The following PBX1 variants were observed in gnomAD, a reference collection of about 807,000 sequenced individuals.
PBX1 encodes PBX homeobox 1.
PBX1 carries 6 observed loss-of-function variants against 53.4 expected under a neutral mutation model. The ratio of observed to expected loss-of-function variants is 0.11; its 90% CI spans 0.06 to 0.22. PBX1 has a LOEUF of 0.22. Ranked by LOEUF, PBX1 falls within the 10% of genes least tolerant of loss-of-function variation. The pLI, the probability that PBX1 is intolerant of heterozygous loss-of-function variation, is 1.00. For synonymous variants in PBX1, 204 were observed against 212.3 expected (o/e 0.96, Z 0.34); for missense variants, 251 against 551.4 (o/e 0.46, Z 5.46).
At chr1:164,608,897 T>A (rs1462145443) in intron 2 of PBX1, among the ~76,000 whole-genome samples, 1 of 152,162 alleles carries the variant, frequency 6.6e-6, no homozygotes, top group Non-Finnish European at 1.5e-5. Flanking sequence ...TTCATGATTC[T>A]TTCTCTGTGG....
At chr1:164,799,618 C>A in intron 3 of PBX1, 81 bp from the exon 4 acceptor site, 1 of 1,255,046 alleles carries the variant, frequency 8.0e-7, no homozygotes, top group Non-Finnish European at 1.1e-6. Context: ...CTAGAAAAGC[C>A]CACGTGGCCT....
intron 8 of PBX1, among the ~76,000 whole-genome samples, chr1:164,834,123 TG>T (rs1268717322): frequency 6.6e-6 from 1 of 151,466 alleles, no homozygotes; most frequent in Admixed American, 6.6e-5. Context: ...TACTTTTCTT[TG>T]GGGCAGCTGT....
chr1:164,603,929 ATTTTTTTTTTTTTTTTTTTT>A (rs71583414), intron 2 of PBX1, among the ~76,000 whole-genome samples: 1 of 75,742 alleles, frequency 1.3e-5, no homozygotes, highest in Non-Finnish European at 2.3e-5. Context: ...ATGTCATTTC[ATTTTTTTTTTTTTTTTTTTT>A]TTTTTTTTTT....
intron 8 of PBX1, among the ~76,000 whole-genome samples, chr1:164,841,430 T>C (rs79394098): frequency 0.068 from 10,278 of 152,126 alleles, 513 homozygotes; most frequent in East Asian, 0.25. Context: ...GGCCAATGGG[T>C]AGCCATTGAA....
chr1:164,627,377 G>A (rs1425085266), intron 2 of PBX1, among the ~76,000 whole-genome samples: 2 of 152,088 alleles, frequency 1.3e-5, no homozygotes, highest in African/African-American at 2.4e-5. Context: ...TGAGTGTGTT[G>A]GTACCGATGT....
intron 5 of PBX1, 37 bp downstream of exon 5, chr1:164,807,714 G>C (rs1221988409): frequency 6.2e-7 from 1 of 1,608,214 alleles, no homozygotes; most frequent in Admixed American, 1.7e-5. Flanking sequence ...CTGTAGCCTG[G>C]CCATGGCGGG....
intron 2 of PBX1, among the ~76,000 whole-genome samples, chr1:164,613,016 C>T (rs149404544): frequency 3.3e-5 from 5 of 152,302 alleles, no homozygotes; most frequent in African/African-American, 4.8e-5. Context: ...CAGTGTGTGG[C>T]ACCCAGGGAT....
intron 7 of PBX1, 64 bp from the exon 8 acceptor site, chr1:164,821,473 A>G: frequency 8.1e-7 from 1 of 1,240,800 alleles, no homozygotes; most frequent in South Asian, 1.2e-5. Context: ...CCTGATGATG[A>G]TCTGCCTCCC....
chr1:164,822,374 A>G (rs1190709558), intron 8 of PBX1, among the ~76,000 whole-genome samples: 2 of 152,130 alleles, frequency 1.3e-5, no homozygotes, highest in Non-Finnish European at 2.9e-5. Flanking sequence ...CTGGGCTTTT[A>G]GAGGTCACAG....
chr1:164,809,136 T>C (rs1445699196), intron 5 of PBX1, among the ~76,000 whole-genome samples: 1 of 152,196 alleles, frequency 6.6e-6, no homozygotes, highest in Admixed American at 6.5e-5. Context: ...AACCTTCTGC[T>C]TTTAAAATAT....
At chr1:164,822,579 C>G (rs898995547) in intron 8 of PBX1, among the ~76,000 whole-genome samples, 1 of 152,126 alleles carries the variant, frequency 6.6e-6, no homozygotes, top group Non-Finnish European at 1.5e-5. Context: ...GAGGTGATGA[C>G]CTCTTCAACT....
intron 2 of PBX1, among the ~76,000 whole-genome samples, chr1:164,858,863 T>TA (rs1672034145): frequency 6.6e-6 from 1 of 152,220 alleles, no homozygotes; most frequent in Non-Finnish European, 1.5e-5. Flanking sequence ...TTTGTCTTCA[T>TA]ACGTGCCGTG....
chr1:164,748,540 G>T (rs1387062639), intron 2 of PBX1, among the ~76,000 whole-genome samples: 1 of 152,122 alleles, frequency 6.6e-6, no homozygotes, highest in African/African-American at 2.4e-5. Flanking sequence ...CATTAAAAGG[G>T]TCAATCAGAA....
intron 2 of PBX1, among the ~76,000 whole-genome samples, chr1:164,666,819 C>T (rs527689629): frequency 4.6e-5 from 7 of 152,294 alleles, no homozygotes; most frequent in Admixed American, 3.9e-4. Flanking sequence ...TACTTGCTAC[C>T]TTCTACTGAG....
intron 2 of PBX1, chr1:164,682,694 C>G (rs1368476891): frequency 6.6e-6 from 1 of 152,130 alleles, no homozygotes; most frequent in Non-Finnish European, 1.5e-5. Flanking sequence ...AACCTCATTC[C>G]TCAGGCTGCT....
At chr1:164,800,106 T>C (rs1357144297) in intron 4 of PBX1, among the ~76,000 whole-genome samples, 3 of 152,234 alleles carry the variant, frequency 2.0e-5, no homozygotes, top group African/African-American at 4.8e-5. Flanking sequence ...ACTACTGTTA[T>C]GCACTCTGGG....
intron 2 of PBX1, among the ~76,000 whole-genome samples, chr1:164,617,670 C>T (rs956792966): frequency 6.6e-6 from 1 of 152,136 alleles, no homozygotes; most frequent in Non-Finnish European, 1.5e-5. Context: ...ACCTGAGGAC[C>T]TTTTCCCTGG....
At chr1:164,688,818 A>G (rs1662278115) in intron 2 of PBX1, among the ~76,000 whole-genome samples, 1 of 152,146 alleles carries the variant, frequency 6.6e-6, no homozygotes, top group South Asian at 2.1e-4. Flanking sequence ...GATTTCCTGA[A>G]CTCTTCTTTG....
chr1:164,671,448 A>G (rs1661106066), intron 2 of PBX1, among the ~76,000 whole-genome samples: 1 of 152,168 alleles, frequency 6.6e-6, no homozygotes, highest in Admixed American at 6.5e-5. Context: ...GTGTGAGTGC[A>G]TGCATGTGCA....
Sources: gnomAD v4.1 joint callset for allele counts (sites outside exome capture counted in the v4.1 genomes callset) on GRCh38, gnomAD v4.1.1 for gene constraint, MANE v1.5 for transcripts, NCBI Gene and HGNC (gene_info 2026-07-23, HGNC 2026-07-21) for gene names.